The following RBM6 variants were observed in gnomAD, a reference collection of about 807,000 sequenced individuals.
RBM6 encodes the protein RNA binding motif protein 6.
Under a neutral mutation model 140.4 loss-of-function variants are expected in RBM6, and 23 were observed. The observed-to-expected ratio is 0.16, with a 90% CI of 0.12 to 0.23. RBM6 has a LOEUF of 0.23. RBM6 is among the 10% of genes least tolerant of loss of function. RBM6 has a pLI of 1.00. For synonymous variants in RBM6, 439 were observed against 475.6 expected (o/e 0.92, Z 1.00); for missense variants, 1,139 against 1,386.7 (o/e 0.82, Z 2.84).
intron 6 of RBM6, among the ~76,000 whole-genome samples, chr3:50,002,975 G>A (rs2086409761): frequency 6.6e-6 from 1 of 151,974 alleles, no homozygotes; most frequent in South Asian, 2.1e-4. Flanking sequence ...AATTAGCCAG[G>A]TGTGGTGGCG....
intron 1 of RBM6, among the ~76,000 whole-genome samples, chr3:49,961,718 G>A (rs907397527): frequency 3.3e-5 from 5 of 151,712 alleles, no homozygotes; most frequent in African/African-American, 7.3e-5. Flanking sequence ...AGAATCGCTC[G>A]AACCGGGGAG....
chr3:50,041,143 C>A (rs936108545), intron 6 of RBM6, among the ~76,000 whole-genome samples: 1 of 152,210 alleles, frequency 6.6e-6, no homozygotes, highest in Admixed American at 6.5e-5. Context: ...GTTGTGCTTT[C>A]ATCTAGTCAA....
At chr3:50,008,151 G>A (rs577458096) in intron 6 of RBM6, among the ~76,000 whole-genome samples, 1 of 152,190 alleles carries the variant, frequency 6.6e-6, no homozygotes, top group Admixed American at 6.5e-5. Context: ...CACATCTCAG[G>A]CTCTTTAATT....
chr3:49,956,328 CTTTTTTTTT>C (rs34467093), intron 1 of RBM6, among the ~76,000 whole-genome samples: 1 of 72,006 alleles, frequency 1.4e-5, no homozygotes, highest in Admixed American at 1.9e-4. Flanking sequence ...CCCTCCCCCG[CTTTTTTTTT>C]TTTTTTTTTT....
At chr3:49,959,188 CTTTTTTT>C (rs35892482) in intron 1 of RBM6, among the ~76,000 whole-genome samples, 1 of 124,950 alleles carries the variant, frequency 8.0e-6, no homozygotes, top group Non-Finnish European at 1.7e-5. Context: ...GATTTTTTTC[CTTTTTTT>C]TTTTTTTTTT....
At chr3:50,030,286 T>TAAAA (rs57797585) in intron 6 of RBM6, among the ~76,000 whole-genome samples, 22 of 103,872 alleles carry the variant, frequency 2.1e-4, no homozygotes, top group Non-Finnish European at 3.0e-4. Flanking sequence ...CTTTTTGTCT[T>TAAAA]AAAAAAAAAA....
At chr3:49,950,033 T>C (rs1381317068) in intron 1 of RBM6, among the ~76,000 whole-genome samples, 1 of 152,094 alleles carries the variant, frequency 6.6e-6, no homozygotes, top group South Asian at 2.1e-4. Flanking sequence ...ACACTTAAAA[T>C]TTTCAAATCG....
Position 50,068,741 on chromosome 3 carries a change from T to A in RBM6, c.2995T>A (p.Tyr999Asn), listed in dbSNP as rs753845523. The A allele has an allele frequency of 3.1e-5, 50 of 1,614,152 alleles. No individual in the cohort carries two copies. The highest frequency in any genetic ancestry group is 4.0e-5 in the African/African-American group (3 of 75,064). Residue 999 changes from tyrosine (Y) to asparagine (N), a missense_variant, in exon 18 of 21, where the codon TAT becomes AAT. Physicochemically the swap from Tyr to Asn is moderately radical, Grantham distance 143 (BLOSUM62 -2). Transcript: ENST00000266022. ...KIKQSEQELA[Y>N]LERREREGKF... ...AAAACAGTCTGAGCAGGAGCTAGCC[T>A]ATCTGGAAAGGAGAGAACGAGAGGT...
chr3:49,962,175 C>G lies in RBM6; in HGVS notation c.-66-401C>G, dbSNP rs1204895863. Among the ~76,000 whole-genome samples, 20 of 135,854 alleles carry G rather than the reference C, an allele frequency of 1.5e-4. No homozygotes were observed. The East Asian group carries it at 3.7e-3, about 25-fold the overall frequency. 89.1% of individuals were successfully genotyped at this position (135,854 alleles called of 152,430 possible). A position where few individuals can be genotyped will look rare whatever the true frequency, so the allele number is the denominator to read the frequency against. Reference sequence around the variant, plus strand: ...TAAAAAAAAAAAAAAAAAAGAAGGCCGGGTGCAGTGGCTCACGCCTGTAAT... The same window carrying G: ...TAAAAAAAAAAAAAAAAAAGAAGGCGGGGTGCAGTGGCTCACGCCTGTAAT... On this transcript the variant is annotated intron_variant, in intron 1 of 20. Coordinates refer to ENST00000266022, the MANE Select transcript of RBM6 (RefSeq NM_005777.3).
At chr3:50,018,659 T>G (rs1281934859) in intron 6 of RBM6, among the ~76,000 whole-genome samples, 1 of 136,622 alleles carries the variant, frequency 7.3e-6, no homozygotes, top group African/African-American at 2.7e-5. Context: ...TGGTGCGATC[T>G]CGGTTCATTG....
rs368038583 is a variant in RBM6, at chr3:50,035,788, TCTCA to T, written c.1558-12453_1558-12450del. Among the ~76,000 whole-genome samples, 19 of 151,764 alleles carry T rather than the reference TCTCA, an allele frequency of 1.3e-4. No homozygotes were observed. The East Asian group carries it at 2.3e-3, about 19-fold the overall frequency. The stretch of plus-strand genomic sequence containing the variant: ...AAAATTTTTTTTTTTTGAGACAGAG[TCTCA>T]CTCTGTTGCCCAGGCTGGAACGCAG... On this transcript the variant is annotated intron_variant, in intron 6 of 20. Transcript: ENST00000266022.
intron 6 of RBM6, among the ~76,000 whole-genome samples, chr3:50,035,000 TCCTCTCCTCTCCTCTCATCTTC>T (rs1559612970): frequency 4.8e-5 from 7 of 144,472 alleles, no homozygotes; most frequent in Non-Finnish European, 1.1e-4. Flanking sequence ...CTCTTCCCTC[TCCTCTCCTCTCCTCTCATCTTC>T]CCTCCCCTCC....
intron 7 of RBM6, 83 bp downstream of exon 7, chr3:50,048,402 C>A: frequency 6.5e-7 from 1 of 1,542,108 alleles, no homozygotes; most frequent in Non-Finnish European, 8.8e-7. Flanking sequence ...TGCCTGCTAA[C>A]ATGCATTCCC....
intron 5 of RBM6, among the ~76,000 whole-genome samples, chr3:49,983,181 C>T (rs1442280248): frequency 6.6e-6 from 1 of 152,176 alleles, no homozygotes; most frequent in East Asian, 1.9e-4. Context: ...GGCTCATGTC[C>T]TTTCATTATT....
chr3:49,943,655 T>C (rs1266872333), intron 1 of RBM6, among the ~76,000 whole-genome samples: 1 of 152,156 alleles, frequency 6.6e-6, no homozygotes, highest in East Asian at 1.9e-4. Flanking sequence ...GGTCTCCCTA[T>C]GTTGCCTATG....
chr3:49,996,673 T>C (rs921445076), intron 5 of RBM6, among the ~76,000 whole-genome samples: 4 of 152,210 alleles, frequency 2.6e-5, no homozygotes, highest in Non-Finnish European at 4.4e-5. Context: ...GCCATAGATA[T>C]TTAAAATAGA....
At chr3:49,979,855 TG>T (rs2085224983) in intron 5 of RBM6, among the ~76,000 whole-genome samples, 1 of 152,084 alleles carries the variant, frequency 6.6e-6, no homozygotes, top group South Asian at 2.1e-4. Context: ...GCCAGGGTAT[TG>T]GGGGAGGAGT....
At chr3:49,961,757 C>A (rs1249811966) in intron 1 of RBM6, among the ~76,000 whole-genome samples, 1 of 151,144 alleles carries the variant, frequency 6.6e-6, no homozygotes, top group African/African-American at 2.4e-5. Flanking sequence ...TGAGATAGTG[C>A]CACTGGACTC....
chr3:50,024,427 T>G (rs1218450191), intron 6 of RBM6, among the ~76,000 whole-genome samples: 3 of 152,004 alleles, frequency 2.0e-5, no homozygotes, highest in African/African-American at 7.2e-5. Flanking sequence ...CTGGTCATTG[T>G]CCTTTTCATC....
Sources: gnomAD v4.1 joint callset for allele counts (sites outside exome capture counted in the v4.1 genomes callset) on GRCh38, gnomAD v4.1.1 for gene constraint, MANE v1.5 for transcripts, NCBI Gene and HGNC (gene_info 2026-07-23, HGNC 2026-07-21) for gene names.